ZIC1: variants seen among roughly 807,000 people sequenced by gnomAD.
ZIC1 encodes the protein zinc finger protein ZIC 1.
In ZIC1, 4 loss-of-function variants were observed where a neutral mutation model predicts 30.9. The observed-to-expected ratio is 0.13, with a 90% confidence interval of 0.06 to 0.30. ZIC1 has a LOEUF of 0.30. ZIC1 is among the 10% of genes least tolerant of loss of function. The probability of loss-of-function intolerance (pLI) is 1.00; values close to 1 mark genes in which losing one functional copy is unlikely to be tolerated. For missense variants in ZIC1, 441 were observed against 639.3 expected (o/e 0.69, Z 3.34); for synonymous variants, 305 against 277.5 (o/e 1.10, Z -0.98).
intron 1 of ZIC1, 144 bp downstream of exon 1, chr3:147,411,238 T>C (rs1288025103): frequency 6.0e-6 from 7 of 1,161,816 alleles, no homozygotes; most frequent in East Asian, 2.6e-5. Context: ...AAGTGTGCGC[T>C]GATTTTTAGT....
rs1214570240 is a variant in ZIC1, at chr3:147,414,763, A to G, written c.*1212A>G. On this transcript the variant is annotated 3_prime_UTR_variant, in exon 3 of 3. Transcript: ENST00000282928. ...TAGTATTTATATCAAAATTTATGAA[A>G]CAAATTTTCGGCCGCAGTATAATTT... 6.6e-6 allele frequency: 1 copy of G among 152,652 alleles called. No homozygotes were observed. Among genetic ancestry groups the G allele is most frequent in the African/African-American group, 2.4e-5 (1 of 41,456 alleles). 9.5% of individuals were successfully genotyped at this position (152,652 alleles called of 1,614,324 possible). A position where few individuals can be genotyped will look rare whatever the true frequency, so the allele number is the denominator to read the frequency against.
At chr3:147,413,149 G>A (rs1305278405) in intron 2 of ZIC1, among the ~76,000 whole-genome samples, 1 of 152,114 alleles carries the variant, frequency 6.6e-6, no homozygotes, top group Non-Finnish European at 1.5e-5. Flanking sequence ...TCTTTTGTGA[G>A]TCTTGGGGAC....
Position 147,415,307 on chromosome 3 carries a change from G to C in ZIC1, c.*1756G>C, listed in dbSNP as rs1301031635. The C allele has an allele frequency of 2.0e-5, 3 of 152,342 alleles. No homozygotes were observed. Among genetic ancestry groups the C allele is most frequent in the African/African-American group, 7.3e-5 (3 of 41,350 alleles). The allele number at this position is 152,342 out of a possible 1,614,324, so 9.4% of individuals were successfully genotyped here. A position where few individuals can be genotyped will look rare whatever the true frequency, so the allele number is the denominator to read the frequency against. ...CTTAAGAAATTCGTTCCATTGGTTGGCATTGATACAGTAAATTTGTAAATG... is the reference window on the plus strand; with the variant it reads ...CTTAAGAAATTCGTTCCATTGGTTGCCATTGATACAGTAAATTTGTAAATG... On this transcript the variant is annotated 3_prime_UTR_variant, in exon 3 of 3. Transcript: ENST00000282928.
intron 2 of ZIC1, 39 bp from the exon 3 acceptor site, chr3:147,413,315 G>T (rs375013099): frequency 6.9e-6 from 11 of 1,591,946 alleles, no homozygotes; most frequent in Non-Finnish European, 6.9e-6. Flanking sequence ...CGCCGCACTG[G>T]CTCTTTATGT....
At position 147,409,529 on chromosome 3, in the gene ZIC1, C is replaced by CT. The variant is rs57723801; in HGVS notation, c.-566dup. On this transcript the variant is annotated 5_prime_UTR_variant, in exon 1 of 3. The change creates a premature stop within an existing upstream ORF in the 5' untranslated region. Coordinates refer to ENST00000282928, the MANE Select transcript of ZIC1 (RefSeq NM_003412.4). ...CTTTCTTTCTTCACCCCCCCACCCA[C>CT]TTTTTTTTTTTTTTTTTTCAAAAAG... 0.018 allele frequency: 2,404 copies of CT among 132,310 alleles called. 31 individuals are homozygous for CT. The highest frequency in any genetic ancestry group is 0.032 in the African/African-American group (1,145 of 35,822). 8.2% of individuals were successfully genotyped at this position (132,310 alleles called of 1,614,324 possible).
chr3:147,410,297 C>T lies in ZIC1; in HGVS notation c.185C>T (p.Thr62Met). 1 of 1,599,980 alleles carries T rather than the reference C, an allele frequency of 6.3e-7. No homozygotes were observed. Among genetic ancestry groups the T allele is most frequent in the Non-Finnish European group, 8.5e-7 (1 of 1,179,348 alleles). Reference sequence around the variant, plus strand: ...CACGAGCTGGCTTCGGCCGGCCAGACGGCCTTCACGTCGCAGGCGCCAGGC... The same window carrying T: ...CACGAGCTGGCTTCGGCCGGCCAGATGGCCTTCACGTCGCAGGCGCCAGGC... Reference protein sequence around the residue: ...SSHELASAGQTAFTSQAPGYA... With the variant: ...SSHELASAGQMAFTSQAPGYA... The change falls in exon 1 of 3, where the codon ACG becomes ATG. Residue 62 changes from threonine to methionine, a missense_variant. Transcript: ENST00000282928.
intron 1 of ZIC1, among the ~76,000 whole-genome samples, chr3:147,411,775 C>T (rs2107993759): frequency 6.6e-6 from 1 of 151,870 alleles, no homozygotes; most frequent in Non-Finnish European, 1.5e-5. Context: ...TTCAAAACAC[C>T]AGATTCCCCT....
In ZIC1 at chr3:147,415,721, C is replaced by T. The variant is rs1488980647; in HGVS notation, c.*2170C>T. On this transcript the variant is annotated 3_prime_UTR_variant, in exon 3 of 3. Transcript: ENST00000282928. The stretch of plus-strand genomic sequence containing the variant: ...GAGAAAGAAAACAAGAGGAAAAACC[C>T]CACAAAGTATAACAACCCCTTAAGA... 6.6e-6 allele frequency: 1 copy of T among 152,148 alleles called. No homozygotes were observed. Among genetic ancestry groups the T allele is most frequent in the Non-Finnish European group, 1.5e-5 (1 of 68,038 alleles). The allele number at this position is 152,148 out of a possible 1,614,324, so 9.4% of individuals were successfully genotyped here.
rs2087363550 is a variant in ZIC1, at chr3:147,410,645, A to C, written c.533A>C (p.Tyr178Ser). The change falls in exon 1 of 3, where the codon TAC becomes TCC. Residue 178 changes from tyrosine to serine, a missense_variant. Tyr to Ser is a moderately radical substitution (Grantham distance 144). This residue lies in a region of ZIC1 where 307 missense variants were observed against 355.3 expected (regional missense o/e 0.86). Transcript: ENST00000282928. ...SGDMYPRPEQ[Y>S]GQVTSPRSEH... ...GACATGTACCCGCGACCGGAGCAGT[A>C]CGGCCAGGTGACCAGCCCGCGTTCG... The C allele has an allele frequency of 6.2e-7, 1 of 1,613,660 alleles. No individual in the cohort carries two copies. Among genetic ancestry groups the C allele is most frequent in the Non-Finnish European group, 8.5e-7 (1 of 1,179,912 alleles).
intron 1 of ZIC1, 102 bp from the exon 2 acceptor site, chr3:147,412,416 T>C: frequency 4.2e-6 from 6 of 1,417,668 alleles, no homozygotes; most frequent in South Asian, 1.3e-5. Context: ...AATCCTGGGC[T>C]GCTGGCTTTT....
chr3:147,412,812 G>A (rs1418448312), intron 2 of ZIC1, 131 bp downstream of exon 2: 2 of 1,163,884 alleles, frequency 1.7e-6, no homozygotes, highest in Non-Finnish European at 2.4e-6. Flanking sequence ...GTTCCACTCA[G>A]TGGAACTGGG....
chr3:147,410,889 G>C lies in ZIC1; in HGVS notation c.777G>C (p.Glu259Asp), dbSNP rs1017052690. ...MHELVTHVTV[E>D]HVGGPEQSNH... ...AGCTAGTTACGCACGTCACCGTGGA[G>C]CACGTAGGTGGCCCGGAGCAGAGTA... The change falls in exon 1 of 3, where the codon GAG (glutamate) becomes GAC (aspartate). Residue 259 changes from glutamate (E) to aspartate (D), a missense_variant. Glu to Asp is a conservative substitution (Grantham distance 45, BLOSUM62 2). Coordinates refer to ENST00000282928, the MANE Select transcript of ZIC1 (RefSeq NM_003412.4). The C allele has an allele frequency of 6.2e-7, 1 of 1,614,168 alleles. No homozygotes were observed. The highest frequency in any genetic ancestry group is 8.5e-7 in the Non-Finnish European group (1 of 1,180,058).
chr3:147,409,924 A>T lies in ZIC1; in HGVS notation c.-189A>T. 1 of 599,348 alleles carries T rather than the reference A, an allele frequency of 1.7e-6. No homozygotes were observed. Among genetic ancestry groups the T allele is most frequent in the Non-Finnish European group, 2.7e-6 (1 of 373,364 alleles). The allele number at this position is 599,348 out of a possible 1,614,324, so 37.1% of individuals were successfully genotyped here. The stretch of plus-strand genomic sequence containing the variant: ...CGGCTACTTTGCGTTTGGCCCGGCC[A>T]GCGCCCGGGCGCGCCGCGCCATTGC... On this transcript the variant is annotated 5_prime_UTR_variant, in exon 1 of 3. Transcript: ENST00000282928.
intron 1 of ZIC1, 61 bp from the exon 2 acceptor site, chr3:147,412,457 T>G: frequency 6.3e-7 from 1 of 1,592,878 alleles, no homozygotes; most frequent in Non-Finnish European, 8.5e-7. Context: ...TGTTTAGTTT[T>G]TGAAAAACGG....
In ZIC1 at chr3:147,410,096, C is replaced by T. The variant is rs1291109924; in HGVS notation, c.-17C>T. ...GGGGGGGGCGGGGGAGGCCGGGGCTCGCCCCGAGCAGCCACGATGCTCCTG... is the reference window on the plus strand; with the variant it reads ...GGGGGGGGCGGGGGAGGCCGGGGCTTGCCCCGAGCAGCCACGATGCTCCTG... On this transcript the variant is annotated 5_prime_UTR_variant, in exon 1 of 3. Transcript: ENST00000282928. The T allele has an allele frequency of 7.4e-6, 11 of 1,477,572 alleles. No individual in the cohort carries two copies. The highest frequency in any genetic ancestry group is 9.8e-6 in the Non-Finnish European group (11 of 1,124,344). 91.5% of individuals were successfully genotyped at this position (1,477,572 alleles called of 1,614,324 possible). A position where few individuals can be genotyped will look rare whatever the true frequency, so the allele number is the denominator to read the frequency against.
chr3:147,413,625 GAA>G lies in ZIC1; in HGVS notation c.*75_*76del, dbSNP rs2087403277. 1 of 1,528,190 alleles carries G rather than the reference GAA, an allele frequency of 6.5e-7. No individual in the cohort carries two copies. The highest frequency in any genetic ancestry group is 1.4e-5 in the African/African-American group (1 of 72,124). The allele number at this position is 1,528,190 out of a possible 1,614,324, so 94.7% of individuals were successfully genotyped here. On this transcript the variant is annotated 3_prime_UTR_variant, in exon 3 of 3. Coordinates refer to ENST00000282928, the MANE Select transcript of ZIC1 (RefSeq NM_003412.4). Reference sequence around the variant, plus strand: ...ACACGTATACACAACATTACTGAAAGAACCCTGCGAATCAAAACAACCCCCAC... The same window carrying G: ...ACACGTATACACAACATTACTGAAAGCCCTGCGAATCAAAACAACCCCCAC...
intron 2 of ZIC1, among the ~76,000 whole-genome samples, chr3:147,413,120 C>G (rs920478124): frequency 6.6e-6 from 1 of 152,184 alleles, no homozygotes; most frequent in Admixed American, 6.5e-5. Flanking sequence ...TCCAGTCTCC[C>G]TCTTCCCAGA....
Position 147,410,367 on chromosome 3 carries a change from C to A in ZIC1, c.255C>A (p.His85Gln), listed in dbSNP as rs752012580. The change falls in exon 1 of 3, where the codon CAC becomes CAA. Residue 85 changes from histidine to glutamine, a missense_variant. By Grantham distance (24) the His-to-Gln change is conservative. This residue lies in a region of ZIC1 where 307 missense variants were observed against 355.3 expected (regional missense o/e 0.86). Transcript: ENST00000282928. ...TGGGCCATCACCATCACCCGGGCCACGTCGGCTCCTATTCCAGCGCAGCCT... is the reference window on the plus strand; with the variant it reads ...TGGGCCATCACCATCACCCGGGCCAAGTCGGCTCCTATTCCAGCGCAGCCT... ...AALGHHHHPG[H>Q]VGSYSSAAFN... The A allele has an allele frequency of 6.2e-7, 1 of 1,601,452 alleles. No individual in the cohort carries two copies. Among genetic ancestry groups the A allele is most frequent in the Non-Finnish European group, 8.5e-7 (1 of 1,179,580 alleles).
chr3:147,412,675 C>T lies in ZIC1; in HGVS notation c.1140C>T (p.His380=), dbSNP rs1403757076. 6.2e-7 allele frequency: 1 copy of T among 1,611,132 alleles called. No individual in the cohort carries two copies. The highest frequency in any genetic ancestry group is 8.5e-7 in the Non-Finnish European group (1 of 1,177,672). The stretch of plus-strand genomic sequence containing the variant: ...CGCATCCCAGTTCGCTGCGCAAACA[C>T]ATGAAGGTAATCGCCGCACTCTCGT... ...SYTHPSSLRK[H]MKVHESSSQG... Residue 380 remains histidine, a synonymous_variant, in exon 2 of 3, where the codon CAC becomes CAT. Transcript: ENST00000282928.
Sources: gnomAD v4.1 joint callset for allele counts (sites outside exome capture counted in the v4.1 genomes callset) on GRCh38, gnomAD v4.1.1 for gene constraint, gnomAD v4.1.1 regional missense constraint, MANE v1.5 for transcripts, NCBI Gene and HGNC (gene_info 2026-07-23, HGNC 2026-07-21) for gene names.